Variants in SIL1 observed in about 807,000 individuals in gnomAD.
The protein encoded by SIL1 is nucleotide exchange factor SIL1.
In SIL1, 40 loss-of-function variants were observed where a neutral mutation model predicts 49.1. The ratio of observed to expected loss-of-function variants is 0.81; its 90% CI spans 0.63 to 1.06. SIL1 has a LOEUF of 1.06. Among genes scored for constraint, SIL1 ranks in the 50% least tolerant of loss-of-function variants. The pLI is 0.00. For synonymous variants in SIL1, 253 were observed against 250.8 expected (o/e 1.01, Z -0.08); for missense variants, 500 against 572.6 (o/e 0.87, Z 1.29).
chr5:138,971,180 C>A (rs1052618055), intron 7 of SIL1, among the ~76,000 whole-genome samples: 1 of 152,110 alleles, frequency 6.6e-6, no homozygotes, highest in East Asian at 1.9e-4. Flanking sequence ...AGACCAAAAA[C>A]AACATAAATC....
chr5:139,149,192 C>T (rs756852549), intron 1 of SIL1, among the ~76,000 whole-genome samples: 5 of 152,138 alleles, frequency 3.3e-5, no homozygotes, highest in South Asian at 2.1e-4. Context: ...TACACACCCA[C>T]GCCAAAGCCA....
chr5:139,076,978 C>CA (rs1769966311), intron 3 of SIL1, among the ~76,000 whole-genome samples: 1 of 152,128 alleles, frequency 6.6e-6, no homozygotes, highest in Non-Finnish European at 1.5e-5. Context: ...ACTAAAAATA[C>CA]AAAAAATTAG....
intron 7 of SIL1, among the ~76,000 whole-genome samples, chr5:138,997,812 G>C (rs1418196151): frequency 6.6e-6 from 1 of 152,190 alleles, no homozygotes; most frequent in African/African-American, 2.4e-5. Context: ...ACCTGCCTTG[G>C]CCTCCCAAAC....
chr5:139,072,576 A>G (rs913495002), intron 3 of SIL1, among the ~76,000 whole-genome samples: 4 of 152,328 alleles, frequency 2.6e-5, no homozygotes, highest in Admixed American at 6.5e-5. Flanking sequence ...TAGATTGAAG[A>G]CTTAAATATA....
intron 7 of SIL1, chr5:139,012,793 C>T (rs924874404): frequency 6.6e-6 from 1 of 152,170 alleles, no homozygotes; most frequent in African/African-American, 2.4e-5. Flanking sequence ...CAAAGTAAGA[C>T]CCTGTCTCTA....
At chr5:138,972,008 C>T (rs1265760707) in intron 7 of SIL1, among the ~76,000 whole-genome samples, 1 of 152,218 alleles carries the variant, frequency 6.6e-6, no homozygotes, top group Non-Finnish European at 1.5e-5. Flanking sequence ...TCAGGCCACA[C>T]AGATGACACC....
chr5:139,174,937 C>CAAAAAAAAAAAAAAAAAAAAAAGAAAA (rs1751847350), intron 1 of SIL1, among the ~76,000 whole-genome samples: 1 of 59,850 alleles, frequency 1.7e-5, no homozygotes, highest in Non-Finnish European at 2.9e-5. Flanking sequence ...GACTGTGTCT[C>CAAAAAAAAAAAAAAAAAAAAAAGAAAA]AAAAAAAAAA....
rs70982756 is a variant in SIL1 at position 139,173,790 on chromosome 5, C to CAAAAAAA, written c.-11+24472_-11+24478dup. Among the ~76,000 whole-genome samples the CAAAAAAA allele has an allele frequency of 1.9e-3, 203 of 106,354 alleles. 2 individuals carry two copies. The highest frequency in any genetic ancestry group is 5.8e-3 in the African/African-American group (172 of 29,632). The allele number at this position is 106,354 out of a possible 152,430, so 69.8% of individuals were successfully genotyped here. A position where few individuals can be genotyped will look rare whatever the true frequency, so the allele number is the denominator to read the frequency against. ...TGAAACCCCGTCTCTACTAAAAATA[C>CAAAAAAA]AAAAAAAAAAAAAAAAAAATTAGCC... is the stretch of plus-strand genomic sequence containing the variant. On this transcript the variant is annotated intron_variant, in intron 1 of 9. Coordinates refer to ENST00000394817, the MANE Select transcript of SIL1 (RefSeq NM_022464.5).
At chr5:139,141,555 G>A (rs1751081119) in intron 1 of SIL1, among the ~76,000 whole-genome samples, 1 of 152,222 alleles carries the variant, frequency 6.6e-6, no homozygotes, top group Non-Finnish European at 1.5e-5. Context: ...TACTCAGGAG[G>A]CTGAGGTGGG....
intron 1 of SIL1, among the ~76,000 whole-genome samples, chr5:139,139,713 G>A (rs975032500): frequency 1.3e-5 from 2 of 152,224 alleles, no homozygotes; most frequent in African/African-American, 2.4e-5. Flanking sequence ...AAGGACAGGC[G>A]CAGTGGCTCA....
intron 7 of SIL1, among the ~76,000 whole-genome samples, chr5:138,992,296 T>A (rs777482456): frequency 6.6e-6 from 1 of 152,034 alleles, no homozygotes; most frequent in Non-Finnish European, 1.5e-5. Context: ...TCTGAGAGAG[T>A]CTGCTAGCTC....
intron 3 of SIL1, among the ~76,000 whole-genome samples, chr5:139,067,660 AAAACACATACAT>A: frequency 6.6e-6 from 1 of 152,372 alleles, no homozygotes; most frequent in East Asian, 1.9e-4. Flanking sequence ...AATCACTCTC[AAAACACATACAT>A]AAACACTCAT....
intron 1 of SIL1, among the ~76,000 whole-genome samples, chr5:139,148,405 A>T (rs1415105493): frequency 1.3e-5 from 2 of 152,172 alleles, no homozygotes; most frequent in African/African-American, 4.8e-5. Flanking sequence ...TGTGATAGGG[A>T]TACCAGTGGG....
At chr5:139,128,107 G>A in intron 1 of SIL1, 1 of 488,276 alleles carries the variant, frequency 2.0e-6, no homozygotes, top group Non-Finnish European at 4.0e-6. Context: ...TACAGCCCTA[G>A]TCCCTTCCTT....
intron 2 of SIL1, among the ~76,000 whole-genome samples, chr5:139,124,339 C>T (rs1435141372): frequency 1.3e-5 from 2 of 152,092 alleles, no homozygotes; most frequent in Non-Finnish European, 1.5e-5. Context: ...CCTAAGGAGG[C>T]CAGACTCTTT....
intron 3 of SIL1, among the ~76,000 whole-genome samples, chr5:139,087,944 C>G (rs909647108): frequency 1.3e-5 from 2 of 152,304 alleles, no homozygotes; most frequent in Admixed American, 1.3e-4. Flanking sequence ...CAGCCAGGTG[C>G]TCACTCCCTC....
chr5:138,995,760 A>G (rs1296640320), intron 7 of SIL1, among the ~76,000 whole-genome samples: 2 of 152,106 alleles, frequency 1.3e-5, no homozygotes, highest in Non-Finnish European at 2.9e-5. Flanking sequence ...TCTACTCTTT[A>G]TCTTTATGAG....
intron 1 of SIL1, among the ~76,000 whole-genome samples, chr5:139,158,962 C>T (rs1751455672): frequency 6.6e-6 from 1 of 152,126 alleles, no homozygotes; most frequent in South Asian, 2.1e-4. Context: ...TGACATCTTG[C>T]TCTGAAATGC....
At chr5:139,063,731 A>C (rs1473555780) in intron 3 of SIL1, among the ~76,000 whole-genome samples, 2 of 152,192 alleles carry the variant, frequency 1.3e-5, no homozygotes, top group African/African-American at 4.8e-5. Context: ...TTTCTGGAGA[A>C]GACTCTTGAG....
Sources: gnomAD v4.1 joint callset for allele counts (sites outside exome capture counted in the v4.1 genomes callset) on GRCh38, gnomAD v4.1.1 for gene constraint, MANE v1.5 for transcripts, NCBI Gene and HGNC (gene_info 2026-07-23, HGNC 2026-07-21) for gene names.